The following PTPRM variants were observed in gnomAD, a reference collection of about 807,000 sequenced individuals.
PTPRM encodes receptor-type tyrosine-protein phosphatase mu.
In PTPRM, 47 loss-of-function variants were observed where a neutral mutation model predicts 186.7. The observed-to-expected ratio is 0.25, with a 90% CI of 0.20 to 0.32. The LOEUF is 0.32. Ranked by LOEUF, PTPRM falls within the 10% of genes least tolerant of loss-of-function variation. The pLI is 1.00. For missense variants in PTPRM, 1,494 were observed against 1,865.0 expected, an observed-to-expected ratio of 0.80 and a Z score of 3.66; for synonymous variants, 668 against 674.9, an observed-to-expected ratio of 0.99 and a Z score of 0.16.
chr18:8,232,262 T>A (rs1424758967), intron 14 of PTPRM, among the ~76,000 whole-genome samples: 1 of 152,268 alleles, frequency 6.6e-6, no homozygotes, highest in African/African-American at 2.4e-5. Context: ...TTAAGTTTCC[T>A]CCATGCCTGT....
chr18:7,567,854 C>T lies in PTPRM; in HGVS notation c.36C>T (p.Ala12=), dbSNP rs773875638. Residue 12 remains alanine, a synonymous_variant, in exon 1 of 33, where the codon GCC becomes GCT. Transcript: ENST00000580170. The surrounding 1 kb of genome is among the most constrained non-coding windows in gnomAD (Gnocchi z 4.3). ...RGLGTCLATL[A]GLLLTAAGET... ...TTGGGACTTGCCTGGCGACTTTGGCCGGACTTTTGCTAACTGCGGCGGGCG... is the reference window on the plus strand; with the variant it reads ...TTGGGACTTGCCTGGCGACTTTGGCTGGACTTTTGCTAACTGCGGCGGGCG... The T allele has an allele frequency of 5.1e-6, 8 of 1,563,106 alleles. No homozygotes were observed. The highest frequency in any genetic ancestry group is 1.9e-5 in the Admixed American group (1 of 52,474).
chr18:7,875,844 A>G (rs574757224), intron 2 of PTPRM, among the ~76,000 whole-genome samples: 1 of 152,182 alleles, frequency 6.6e-6, no homozygotes, highest in African/African-American at 2.4e-5. Context: ...ATTTTTTTTC[A>G]TTATGCGAAC....
At chr18:8,248,320 G>C (rs755219808) in intron 17 of PTPRM, 144 bp downstream of exon 17, 1 of 826,418 alleles carries the variant, frequency 1.2e-6, no homozygotes, top group Non-Finnish European at 2.1e-6. Context: ...CTGGGTCATG[G>C]GGTTAAAGGA....
intron 7 of PTPRM, among the ~76,000 whole-genome samples, chr18:8,028,169 A>G (rs1197094527): frequency 1.3e-5 from 2 of 152,096 alleles, no homozygotes; most frequent in Non-Finnish European, 1.5e-5. Flanking sequence ...CACCAGGCTA[A>G]TTTTTTACTT....
At chr18:7,981,749 C>T (rs1187300561) in intron 7 of PTPRM, among the ~76,000 whole-genome samples, 2 of 152,146 alleles carry the variant, frequency 1.3e-5, no homozygotes, top group African/African-American at 4.8e-5. Flanking sequence ...GTAGCAAGGC[C>T]AGCTACACAC....
At chr18:8,357,027 A>G (rs2095566968) in intron 23 of PTPRM, among the ~76,000 whole-genome samples, 1 of 152,242 alleles carries the variant, frequency 6.6e-6, no homozygotes, top group African/African-American at 2.4e-5. Context: ...TTTAATCCAC[A>G]TGCTTCCAGA....
intron 2 of PTPRM, among the ~76,000 whole-genome samples, chr18:7,859,520 G>A (rs145931043): frequency 1.8e-4 from 27 of 152,350 alleles, no homozygotes; most frequent in African/African-American, 5.8e-4. Flanking sequence ...GCTTCCATGA[G>A]CCTTCTGAAC....
chr18:8,206,479 A>G (rs993804877), intron 14 of PTPRM, among the ~76,000 whole-genome samples: 1 of 151,890 alleles, frequency 6.6e-6, no homozygotes, highest in Non-Finnish European at 1.5e-5. Flanking sequence ...CGATCTCCTG[A>G]CCTCATCATC....
At chr18:8,168,073 G>T (rs2093348777) in intron 14 of PTPRM, among the ~76,000 whole-genome samples, 1 of 152,146 alleles carries the variant, frequency 6.6e-6, no homozygotes, top group Non-Finnish European at 1.5e-5. Flanking sequence ...CTCAACCCTG[G>T]ACAATGCTGA....
chr18:8,268,873 G>A (rs937298928), intron 19 of PTPRM, among the ~76,000 whole-genome samples: 1 of 151,950 alleles, frequency 6.6e-6, no homozygotes, highest in Non-Finnish European at 1.5e-5. Flanking sequence ...AAAATTCAAA[G>A]TCCTTTCATG....
At chr18:8,028,703 A>AG (rs2085737361) in intron 7 of PTPRM, among the ~76,000 whole-genome samples, 1 of 152,214 alleles carries the variant, frequency 6.6e-6, no homozygotes. Context: ...CACTGGAGTT[A>AG]GGGGGTCATT....
chr18:7,807,883 G>A (rs2044313519), intron 2 of PTPRM, among the ~76,000 whole-genome samples: 1 of 152,144 alleles, frequency 6.6e-6, no homozygotes, highest in African/African-American at 2.4e-5. Flanking sequence ...TGGTTAAATG[G>A]GTGTAGGTTT....
intron 1 of PTPRM, among the ~76,000 whole-genome samples, chr18:7,597,323 TTC>T (rs2037292081): frequency 6.6e-6 from 1 of 152,170 alleles, no homozygotes; most frequent in Non-Finnish European, 1.5e-5. Flanking sequence ...GAGAATGCTG[TTC>T]TCTCTGTGTT....
intron 2 of PTPRM, among the ~76,000 whole-genome samples, chr18:7,883,638 G>A (rs1399744765): frequency 6.6e-6 from 1 of 152,212 alleles, no homozygotes; most frequent in Non-Finnish European, 1.5e-5. Context: ...CTTTAAAGCT[G>A]TGAGTTAAGT....
intron 11 of PTPRM, among the ~76,000 whole-genome samples, chr18:8,099,008 G>C (rs936610924): frequency 1.3e-5 from 2 of 152,114 alleles, no homozygotes; most frequent in Non-Finnish European, 2.9e-5. Context: ...ATTTGCCTGA[G>C]AATATCCTGG....
intron 20 of PTPRM, among the ~76,000 whole-genome samples, chr18:8,313,536 A>G (rs1413237686): frequency 1.3e-5 from 2 of 152,148 alleles, no homozygotes; most frequent in Non-Finnish European, 2.9e-5. Flanking sequence ...CAGTGCAGGA[A>G]AATTCTGCCC....
At chr18:8,401,275 G>T (rs1268909758) in intron 32 of PTPRM, among the ~76,000 whole-genome samples, 1 of 152,162 alleles carries the variant, frequency 6.6e-6, no homozygotes, top group Non-Finnish European at 1.5e-5. Context: ...TTTTGCAGGG[G>T]GCTTTGGTGA....
At chr18:7,765,961 C>T (rs2041997592) in intron 1 of PTPRM, among the ~76,000 whole-genome samples, 4 of 152,170 alleles carry the variant, frequency 2.6e-5, no homozygotes, top group African/African-American at 9.7e-5. Flanking sequence ...CTGTTAAAGG[C>T]AGAACAATTC....
At chr18:7,937,874 G>A (rs1474491819) in intron 5 of PTPRM, among the ~76,000 whole-genome samples, 1 of 152,174 alleles carries the variant, frequency 6.6e-6, no homozygotes, top group African/African-American at 2.4e-5. Context: ...TGCTGCTCAT[G>A]TCTTCCCCAG....
Sources: gnomAD v4.1 joint callset for allele counts (sites outside exome capture counted in the v4.1 genomes callset) on GRCh38, gnomAD v4.1.1 for gene constraint, Gnocchi (gnomAD v3.1) non-coding constraint, MANE v1.5 for transcripts, NCBI Gene and HGNC (gene_info 2026-07-23, HGNC 2026-07-21) for gene names.